The following ZNF512B variants were observed in gnomAD, a reference collection of about 807,000 sequenced individuals.
ZNF512B encodes zinc finger protein 512B.
ZNF512B carries 22 observed loss-of-function variants against 87.8 expected under a neutral mutation model. The ratio of observed to expected loss-of-function variants is 0.25; its 90% confidence interval spans 0.18 to 0.36. The LOEUF is 0.36. Among genes scored for constraint, ZNF512B ranks in the 10% least tolerant of loss-of-function variants. The pLI, the probability that ZNF512B is intolerant of heterozygous loss-of-function variation, is 1.00. For missense variants in ZNF512B, 1,060 were observed against 1,231.6 expected (o/e 0.86, Z 2.09); for synonymous variants, 524 against 490.9 (o/e 1.07, Z -0.89).
intron 16 of ZNF512B, among the ~76,000 whole-genome samples, chr20:63,960,665 A>T (rs2058840941): frequency 1.4e-5 from 2 of 148,100 alleles, no homozygotes; most frequent in Non-Finnish European, 3.0e-5. Flanking sequence ...GGGACCAGGC[A>T]GGCACCTGCA....
At position 63,963,194 on chromosome 20, in the gene ZNF512B, G is replaced by A. The variant is rs75162850; in HGVS notation, c.1869C>T (p.Cys623=). The A allele has an allele frequency of 1.7e-5, 26 of 1,547,256 alleles. No individual in the cohort carries two copies. In the South Asian group the frequency reaches 1.9e-4, roughly 11 times the overall value. The change falls in exon 12 of 17, where the codon TGC becomes TGT. Residue 623 remains cysteine, a synonymous_variant. Coordinates refer to ENST00000369888, the MANE Select transcript of ZNF512B (RefSeq NM_020713.3). ...YHQRRCGKPP[C]EVDSPSFPCT... The stretch of plus-strand genomic sequence containing the variant: ...AGGGGAAGGAGGGGCTGTCCACCTC[G>A]CAGGGCGGCTTCCCGCAGCGCCGCT...
chr20:63,963,567 G>A (rs1424420146), intron 10 of ZNF512B, 51 bp downstream of exon 10: 2 of 1,604,330 alleles, frequency 1.2e-6, no homozygotes, highest in Non-Finnish European at 1.7e-6. Context: ...GGTGAAGGTG[G>A]GGTGCGAGGT....
At chr20:63,968,949 G>C (rs1030057333) in intron 1 of ZNF512B, among the ~76,000 whole-genome samples, 1 of 152,252 alleles carries the variant, frequency 6.6e-6, no homozygotes. Context: ...AGCAGGGTGA[G>C]GGTTGAGTGG....
In ZNF512B at chr20:63,960,220, C is replaced by T; in HGVS notation, c.2428-81G>A. The T allele has an allele frequency of 1.9e-6, 3 of 1,563,262 alleles. No homozygotes were observed. In the South Asian group the frequency reaches 3.6e-5, roughly 19 times the overall value. ...CAGGCATAGCCTGAGAGCTGAAGAC[C>T]TGTCAGCCTTCAGGACCAGGCAAGC... On this transcript the variant is annotated intron_variant, in intron 16 of 16. Coordinates refer to ENST00000369888, the MANE Select transcript of ZNF512B (RefSeq NM_020713.3).
chr20:63,968,021 G>A, intron 1 of ZNF512B, 69 bp from the exon 2 acceptor site: 3 of 1,553,204 alleles, frequency 1.9e-6, no homozygotes, highest in Non-Finnish European at 2.6e-6. Context: ...AGGCTGCCCT[G>A]GAGCCCTGCC....
rs1006081969 is a variant in ZNF512B, at chr20:63,961,481, A to T, written c.2329-74T>A. The T allele has an allele frequency of 1.5e-5, 21 of 1,418,600 alleles. No homozygotes were observed. The East Asian group carries it at 4.6e-4, about 31-fold the overall frequency. 87.9% of individuals were successfully genotyped at this position (1,418,600 alleles called of 1,614,324 possible). ...CTGTCCTAAGCCCCTACTCATGGCT[A>T]AAGGGTCAGAGTCAGCGGTGGCCCA... is the stretch of plus-strand genomic sequence containing the variant. On this transcript the variant is annotated intron_variant, in intron 15 of 16. Coordinates refer to ENST00000369888, the MANE Select transcript of ZNF512B (RefSeq NM_020713.3). This position sits in a 1 kb window ranked among gnomAD's most constrained non-coding sequence, Gnocchi z 6.4.
chr20:63,969,141 G>A lies in ZNF512B; in HGVS notation c.-3+673C>T, dbSNP rs1316187925. ...TGGAAGTCCTCACTTTGCAACTTTT[G>A]AAAGGAGACAGGGCCGGCATGAGTC... On this transcript the variant is annotated intron_variant, in intron 1 of 16. Coordinates refer to ENST00000369888, the MANE Select transcript of ZNF512B (RefSeq NM_020713.3). The A allele has an allele frequency of 1.7e-5, 17 of 985,386 alleles. No individual in the cohort carries two copies. The Admixed American group carries it at 1.8e-4, about 11-fold the overall frequency. The allele number at this position is 985,386 out of a possible 1,614,324, so 61.0% of individuals were successfully genotyped here.
intron 1 of ZNF512B, 150 bp downstream of exon 1, chr20:63,969,664 G>A (rs1188901449): frequency 2.1e-5 from 3 of 146,064 alleles, no homozygotes; most frequent in Admixed American, 6.8e-5. Flanking sequence ...AGACGGCGCC[G>A]GCGCGGGGCG....
rs1305002790 is a variant in ZNF512B, at chr20:63,959,786, G to A, written c.*102C>T. 2.8e-6 allele frequency: 4 copies of A among 1,436,478 alleles called. No individual in the cohort carries two copies. Among genetic ancestry groups the A allele is most frequent in the East Asian group, 4.8e-5 (2 of 41,370 alleles). The allele number at this position is 1,436,478 out of a possible 1,614,324, so 89.0% of individuals were successfully genotyped here. On this transcript the variant is annotated 3_prime_UTR_variant, in exon 17 of 17. Transcript: ENST00000369888. ...CCACTGGACGGATGAAGAGGCGGGG[G>A]TGGGGGATGGAGAACTGGAGGACAG...
chr20:63,966,755 G>A lies in ZNF512B; in HGVS notation c.420C>T (p.Phe140=), dbSNP rs1318698394. Residue 140 remains phenylalanine, a synonymous_variant, in exon 5 of 17, where the codon TTC becomes TTT. Transcript: ENST00000369888. ...ATGCGGCCTCGCAGAAGGGGCAGGG[G>A]AAGGCCAGGCGATCTGAGATGGCAC... ...QGGAISDRLA[F]PCPFCEAAFT... is the part of the protein sequence containing the mutation. The A allele has an allele frequency of 4.4e-6, 7 of 1,599,580 alleles. No individual in the cohort carries two copies. The highest frequency in any genetic ancestry group is 2.2e-5 in the East Asian group (1 of 44,752).
rs762063193 is a variant in ZNF512B, at chr20:63,966,148, T to C, written c.1027A>G (p.Lys343Glu). The change falls in exon 5 of 17, where the codon AAG becomes GAG. Residue 343 changes from lysine to glutamate, a missense_variant. Transcript: ENST00000369888. ...TGGGACGAGCCCCCATACCTTTTCT[T>C]ACCACTGTTCCTCCCTGTGGCACGA... The part of the protein sequence containing the change: ...APRATGRNSG[K>E]KRAADSLDTC... 3.1e-6 allele frequency: 5 copies of C among 1,596,896 alleles called. No individual in the cohort carries two copies. The highest frequency in any genetic ancestry group is 4.3e-6 in the Non-Finnish European group (5 of 1,169,178).
Position 63,956,730 on chromosome 20 carries a change from T to A in ZNF512B, c.*3158A>T, listed in dbSNP as rs546942586. ...GGAAAAAAATCAATAAACATTTATT[T>A]GATACAGTCATTTTAATACATACAG... On this transcript the variant is annotated 3_prime_UTR_variant, in exon 17 of 17. Transcript: ENST00000369888. 5.7e-6 allele frequency: 1 copy of A among 175,796 alleles called. No individual in the cohort carries two copies. The highest frequency in any genetic ancestry group is 1.7e-4 in the South Asian group (1 of 5,918). 10.9% of individuals were successfully genotyped at this position (175,796 alleles called of 1,614,324 possible).
Position 63,959,907 on chromosome 20 carries a change from C to G in ZNF512B, c.2660G>C (p.Ser887Thr), listed in dbSNP as rs1265229139. ...RGSTGRKVGV[S>T]KAPEK Reference sequence around the variant, plus strand: ...CCATGCTCACTTTTCAGGCGCCTTGCTGACTCCCACCTTCCGGCCGGTGGA... The same window carrying G: ...CCATGCTCACTTTTCAGGCGCCTTGGTGACTCCCACCTTCCGGCCGGTGGA... Residue 887 changes from serine (S) to threonine (T), a missense_variant, in exon 17 of 17, where the codon AGC (serine) becomes ACC (threonine). Ser to Thr is a moderately conservative substitution (Grantham distance 58). Coordinates refer to ENST00000369888, the MANE Select transcript of ZNF512B (RefSeq NM_020713.3). The G allele has an allele frequency of 1.3e-6, 2 of 1,595,472 alleles. No homozygotes were observed. Among genetic ancestry groups the G allele is most frequent in the Non-Finnish European group, 1.7e-6 (2 of 1,174,164 alleles).
chr20:63,962,434 G>C (rs2058863380), intron 13 of ZNF512B, 60 bp from the exon 14 acceptor site: 1 of 1,568,268 alleles, frequency 6.4e-7, no homozygotes, highest in Non-Finnish European at 8.6e-7. Context: ...GCTGCTCTAA[G>C]AACACTCGCC....
chr20:63,958,617 G>A lies in ZNF512B; in HGVS notation c.*1271C>T, dbSNP rs1375399652. On this transcript the variant is annotated 3_prime_UTR_variant, in exon 17 of 17. Coordinates refer to ENST00000369888, the MANE Select transcript of ZNF512B (RefSeq NM_020713.3). ...CGTGGTTGGAAGGCAGGACCCCAGG[G>A]AGGGAGCCACAGGCTGTGGCCACCT... The A allele has an allele frequency of 6.6e-6, 1 of 152,102 alleles. No individual in the cohort carries two copies. The highest frequency in any genetic ancestry group is 1.5e-5 in the Non-Finnish European group (1 of 68,046). The allele number at this position is 152,102 out of a possible 1,614,324, so 9.4% of individuals were successfully genotyped here.
At position 63,958,733 on chromosome 20, in the gene ZNF512B, G is replaced by A. The variant is rs904184879; in HGVS notation, c.*1155C>T. 1 of 152,330 alleles carries A rather than the reference G, an allele frequency of 6.6e-6. No homozygotes were observed. Among genetic ancestry groups the A allele is most frequent in the Non-Finnish European group, 1.5e-5 (1 of 68,144 alleles). 9.4% of individuals were successfully genotyped at this position (152,330 alleles called of 1,614,324 possible). A position where few individuals can be genotyped will look rare whatever the true frequency, so the allele number is the denominator to read the frequency against. ...CCACAAAGGGGCAAAGACAGCTCTG[G>A]AGCTGCCATCAACCTGCTGTGACTT... is the stretch of plus-strand genomic sequence containing the variant. On this transcript the variant is annotated 3_prime_UTR_variant, in exon 17 of 17. Transcript: ENST00000369888.
chr20:63,964,250 G>A (rs1259784824), intron 7 of ZNF512B, 33 bp from the exon 8 acceptor site: 2 of 1,609,894 alleles, frequency 1.2e-6, no homozygotes, highest in East Asian at 2.2e-5. Flanking sequence ...GAGAAACAGG[G>A]ATGGGCTCAG....
In ZNF512B at chr20:63,966,241, T is replaced by C. The variant is rs1257629422; in HGVS notation, c.934A>G (p.Ile312Val). The change falls in exon 5 of 17, where the codon ATT becomes GTT. Residue 312 changes from isoleucine (I) to valine (V), a missense_variant. Around this residue, in one of 9 missense-constraint regions of ZNF512B, gnomAD observed 201 missense variants for 226.8 expected, o/e 0.89. Coordinates refer to ENST00000369888, the MANE Select transcript of ZNF512B (RefSeq NM_020713.3). Reference sequence around the variant, plus strand: ...GGCGGTGTGTGTCTGCTGATAGCAATGGGCCTGCTGACTGTCACCGGCTTG... The same window carrying C: ...GGCGGTGTGTGTCTGCTGATAGCAACGGGCCTGCTGACTGTCACCGGCTTG... ...VSKPVTVSRP[I>V]AISRHTPPCK... 1 of 1,613,994 alleles carries C rather than the reference T, an allele frequency of 6.2e-7. No homozygotes were observed. Among genetic ancestry groups the C allele is most frequent in the East Asian group, 2.2e-5 (1 of 44,890 alleles).
Position 63,957,945 on chromosome 20 carries a change from C to G in ZNF512B, c.*1943G>C, listed in dbSNP as rs928337806. On this transcript the variant is annotated 3_prime_UTR_variant, in exon 17 of 17. Coordinates refer to ENST00000369888, the MANE Select transcript of ZNF512B (RefSeq NM_020713.3). Reference sequence around the variant, plus strand: ...TCTGGGACACAGGAAGGAATGCCTCCCCCGACCCTCTGACGCTGGGTCACG... The same window carrying G: ...TCTGGGACACAGGAAGGAATGCCTCGCCCGACCCTCTGACGCTGGGTCACG... 1 of 152,228 alleles carries G rather than the reference C, an allele frequency of 6.6e-6. No individual in the cohort carries two copies. The highest frequency in any genetic ancestry group is 1.5e-5 in the Non-Finnish European group (1 of 68,112). 9.4% of individuals were successfully genotyped at this position (152,228 alleles called of 1,614,324 possible).
Sources: gnomAD v4.1 joint callset for allele counts (sites outside exome capture counted in the v4.1 genomes callset) on GRCh38, gnomAD v4.1.1 for gene constraint, gnomAD v4.1.1 regional missense constraint, Gnocchi (gnomAD v3.1) non-coding constraint, MANE v1.5 for transcripts, NCBI Gene and HGNC (gene_info 2026-07-23, HGNC 2026-07-21) for gene names.